The following PRKCE variants were observed in gnomAD, a reference collection of about 807,000 sequenced individuals.
PRKCE encodes protein kinase C epsilon.
PRKCE carries 16 observed loss-of-function variants against 85.4 expected under a neutral mutation model. The ratio of observed to expected loss-of-function variants is 0.19; its 90% CI spans 0.13 to 0.28. The LOEUF (loss-of-function observed/expected upper bound fraction) is 0.28. PRKCE is among the 10% of genes least tolerant of loss of function. The pLI is 1.00. For missense variants in PRKCE, 573 were observed against 975.2 expected (o/e 0.59, Z 5.49); for synonymous variants, 388 against 371.5 (o/e 1.04, Z -0.51).
intron 10 of PRKCE, among the ~76,000 whole-genome samples, chr2:46,071,246 A>G (rs954826976): frequency 6.6e-6 from 1 of 152,246 alleles, no homozygotes; most frequent in Non-Finnish European, 1.5e-5. Context: ...AAGAGATTGT[A>G]GCCTTTTTGA....
At chr2:45,937,741 T>C (rs1259720566) in intron 2 of PRKCE, among the ~76,000 whole-genome samples, 2 of 151,872 alleles carry the variant, frequency 1.3e-5, no homozygotes, top group Non-Finnish European at 2.9e-5. Context: ...AAAGAAAACT[T>C]GTAGGTATAT....
At position 45,861,365 on chromosome 2, in the gene PRKCE, C is replaced by T. The variant is rs143258975; in HGVS notation, c.412+18302C>T. 2.5e-3 allele frequency among the ~76,000 whole-genome samples: 382 copies of T among 152,176 alleles called. 2 individuals carry two copies. The highest frequency in any genetic ancestry group is 8.9e-3 in the East Asian group (46 of 5,186). On this transcript the variant is annotated intron_variant, in intron 2 of 14. Transcript: ENST00000306156. ...TGCTGAACACAGTGAAAAGAACTTA[C>T]GATATATAATAGATTGGGGGTAAAT...
intron 11 of PRKCE, among the ~76,000 whole-genome samples, chr2:46,110,174 G>C (rs1410174739): frequency 1.3e-5 from 2 of 152,094 alleles, no homozygotes; most frequent in Admixed American, 6.5e-5. Context: ...TCTTTGTCTG[G>C]TTTTAGTGTT....
At chr2:46,021,540 C>T (rs1268210376) in intron 10 of PRKCE, among the ~76,000 whole-genome samples, 1 of 152,076 alleles carries the variant, frequency 6.6e-6, no homozygotes, top group Non-Finnish European at 1.5e-5. Context: ...CATAGTCCTC[C>T]CTTTAGCACT....
intron 10 of PRKCE, among the ~76,000 whole-genome samples, chr2:46,018,067 G>A (rs72806726): frequency 0.042 from 6,467 of 152,250 alleles, 179 homozygotes; most frequent in Non-Finnish European, 0.067. Flanking sequence ...AATGAGGCTG[G>A]GATTAAAAAA....
At chr2:45,921,052 A>G (rs1227920985) in intron 2 of PRKCE, among the ~76,000 whole-genome samples, 1 of 152,258 alleles carries the variant, frequency 6.6e-6, no homozygotes, top group Non-Finnish European at 1.5e-5. Context: ...TGAGGACTCA[A>G]GGAAGTCTGG....
chr2:46,042,288 C>A (rs921182), intron 10 of PRKCE, among the ~76,000 whole-genome samples: 1 of 152,132 alleles, frequency 6.6e-6, no homozygotes, highest in Admixed American at 6.5e-5. Context: ...TTCACTCTTT[C>A]CCCCAGCGTC....
At chr2:45,700,787 C>G (rs1321016404) in intron 1 of PRKCE, 2 of 152,152 alleles carry the variant, frequency 1.3e-5, no homozygotes, top group Non-Finnish European at 2.9e-5. Context: ...GGGGTAGGCT[C>G]GGATCCAATA....
chr2:46,168,332 G>T (rs915051507), intron 14 of PRKCE, among the ~76,000 whole-genome samples: 3 of 152,180 alleles, frequency 2.0e-5, no homozygotes, highest in Non-Finnish European at 4.4e-5. Flanking sequence ...TCACCTGGGA[G>T]CATGGGAGGA....
chr2:45,679,639 C>T (rs184097146), intron 1 of PRKCE, among the ~76,000 whole-genome samples: 16 of 152,122 alleles, frequency 1.1e-4, no homozygotes, highest in Non-Finnish European at 2.2e-4. Flanking sequence ...TGGGGTGGAT[C>T]GGGATAATGC....
At chr2:45,831,620 A>T (rs1420227699) in intron 1 of PRKCE, among the ~76,000 whole-genome samples, 1 of 152,250 alleles carries the variant, frequency 6.6e-6, no homozygotes. Flanking sequence ...GGAAGTGGTA[A>T]GTAAACTGAA....
intron 1 of PRKCE, among the ~76,000 whole-genome samples, chr2:45,742,122 A>G (rs976311900): frequency 2.6e-5 from 4 of 152,350 alleles, no homozygotes; most frequent in Middle Eastern, 3.4e-3. Flanking sequence ...GTCAAACTAA[A>G]AAGCTTCTGC....
At chr2:45,834,429 A>G (rs761900121) in intron 1 of PRKCE, among the ~76,000 whole-genome samples, 5 of 152,202 alleles carry the variant, frequency 3.3e-5, no homozygotes, top group African/African-American at 4.8e-5. Context: ...CTCAGAACAC[A>G]ATTTTGTAAA....
At chr2:45,992,114 G>A (rs938550378) in intron 6 of PRKCE, among the ~76,000 whole-genome samples, 4 of 152,206 alleles carry the variant, frequency 2.6e-5, no homozygotes, top group African/African-American at 9.6e-5. Flanking sequence ...CATTGAGTCA[G>A]AAATAAGTGT....
At chr2:46,158,725 C>G (rs556671454) in intron 13 of PRKCE, among the ~76,000 whole-genome samples, 1 of 152,210 alleles carries the variant, frequency 6.6e-6, no homozygotes, top group East Asian at 1.9e-4. Flanking sequence ...CATTTTGTCT[C>G]TAACACTCAT....
intron 1 of PRKCE, among the ~76,000 whole-genome samples, chr2:45,720,993 G>GC (rs1310811444): frequency 6.6e-6 from 1 of 152,112 alleles, no homozygotes; most frequent in African/African-American, 2.4e-5. Flanking sequence ...TGTAGTCCCA[G>GC]CTACTTGGGA....
intron 1 of PRKCE, among the ~76,000 whole-genome samples, chr2:45,716,977 G>A (rs1318796142): frequency 6.6e-6 from 1 of 152,176 alleles, no homozygotes; most frequent in African/African-American, 2.4e-5. Flanking sequence ...TGGGGGAACT[G>A]CTCCCATGAT....
At chr2:45,669,087 T>TTA (rs1015052859) in intron 1 of PRKCE, among the ~76,000 whole-genome samples, 11 of 152,192 alleles carry the variant, frequency 7.2e-5, no homozygotes, top group Admixed American at 2.6e-4. Context: ...AACTTGTGTC[T>TTA]TAGAAGCCCA....
In PRKCE at chr2:46,101,688, G is replaced by A. The variant is rs558151161; in HGVS notation, c.1592+15326G>A. Among the ~76,000 whole-genome samples, 3 of 152,262 alleles carry A rather than the reference G, an allele frequency of 2.0e-5. No individual in the cohort carries two copies. In the East Asian group the frequency reaches 5.8e-4, roughly 29 times the overall value. ...CCTAGTATTTAATAGAATTTCAGAG[G>A]TGGGAGAAAACTTGGGAGTTTAGTC... On this transcript the variant is annotated intron_variant, in intron 11 of 14. Transcript: ENST00000306156.
Sources: allele counts gnomAD v4.1 joint callset (sites outside exome capture counted in the v4.1 genomes callset), GRCh38; gene constraint gnomAD v4.1.1; transcripts MANE v1.5; gene names NCBI Gene and HGNC (gene_info 2026-07-23, HGNC 2026-07-21).